The following TENM2 variants were observed in gnomAD, a reference collection of about 807,000 sequenced individuals.
TENM2 encodes teneurin transmembrane protein 2, also known as teneurin-2.
TENM2 carries 52 observed loss-of-function variants against 245.2 expected under a neutral mutation model. The ratio of observed to expected loss-of-function variants is 0.21; its 90% confidence interval spans 0.17 to 0.27. TENM2 has a LOEUF of 0.27. Ranked by LOEUF, TENM2 falls within the 10% of genes least tolerant of loss-of-function variation. TENM2 has a pLI of 1.00. For missense variants in TENM2, 3,046 were observed against 3,666.8 expected (o/e 0.83, Z 4.37); for synonymous variants, 1,363 against 1,438.9 (o/e 0.95, Z 1.19).
intron 1 of TENM2, among the ~76,000 whole-genome samples, chr5:167,372,277 C>A (rs1760485256): frequency 6.6e-6 from 1 of 152,092 alleles, no homozygotes; most frequent in South Asian, 2.1e-4. Context: ...TCTTTTCTAA[C>A]ATTTGTGGTT....
intron 1 of TENM2, among the ~76,000 whole-genome samples, chr5:167,312,640 G>A (rs1429505833): frequency 2.0e-5 from 3 of 151,912 alleles, no homozygotes; most frequent in Non-Finnish European, 4.4e-5. Flanking sequence ...GGAAAAATTG[G>A]TCTTATGTGA....
chr5:167,511,561 A>T (rs930495977), intron 2 of TENM2, among the ~76,000 whole-genome samples: 1 of 152,176 alleles, frequency 6.6e-6, no homozygotes, highest in African/African-American at 2.4e-5. Context: ...GCAATTAACT[A>T]GGTTTGTGGC....
chr5:167,441,534 A>G lies in TENM2; in HGVS notation c.502+66061A>G, dbSNP rs773563695. On this transcript the variant is annotated intron_variant, in intron 2 of 28. Coordinates refer to ENST00000518659, the Ensembl canonical transcript of TENM2. ...TATTCAACTGTTTTTCTGCTTTTCT[A>G]TCAGCTGAAACCCAGAAATCCTCTT... Among the ~76,000 whole-genome samples the G allele has an allele frequency of 5.9e-5, 9 of 152,232 alleles. No homozygotes were observed. In the East Asian group the frequency reaches 1.7e-3, roughly 29 times the overall value.
intron 3 of TENM2, among the ~76,000 whole-genome samples, chr5:167,881,061 A>G (rs1309949275): frequency 2.6e-5 from 4 of 152,098 alleles, no homozygotes; most frequent in Non-Finnish European, 2.9e-5. Context: ...ATCCATGGAG[A>G]TGGATTTGGG....
chr5:167,415,803 C>A (rs892612322), intron 2 of TENM2, among the ~76,000 whole-genome samples: 4 of 152,252 alleles, frequency 2.6e-5, no homozygotes, highest in Admixed American at 6.5e-5. Context: ...AGGAATGTAT[C>A]CTCTTCGCCG....
intron 2 of TENM2, among the ~76,000 whole-genome samples, chr5:167,830,024 G>T (rs2151087267): frequency 6.6e-6 from 1 of 152,296 alleles, no homozygotes; most frequent in East Asian, 1.9e-4. Context: ...CCTACATATT[G>T]GGGGACTGGA....
chr5:167,452,445 T>A (rs899870396), intron 2 of TENM2, among the ~76,000 whole-genome samples: 2 of 152,172 alleles, frequency 1.3e-5, no homozygotes, highest in Non-Finnish European at 2.9e-5. Context: ...AGAGGAAAGA[T>A]GTGGGTTTCC....
chr5:167,573,879 A>T (rs1461143084), intron 2 of TENM2: 1 of 140,472 alleles, frequency 7.1e-6, no homozygotes, highest in Non-Finnish European at 1.6e-5. Context: ...TCTTGCTGGA[A>T]AAAAAAAAAA....
chr5:168,014,771 G>T (rs970954221), intron 5 of TENM2, among the ~76,000 whole-genome samples: 10 of 152,144 alleles, frequency 6.6e-5, no homozygotes, highest in Non-Finnish European at 1.2e-4. Flanking sequence ...AAAATGAGAG[G>T]CTGTGGTTCC....
chr5:167,550,749 T>A (rs962545011), intron 2 of TENM2, among the ~76,000 whole-genome samples: 24 of 114,474 alleles, frequency 2.1e-4, no homozygotes, highest in East Asian at 8.5e-4. Flanking sequence ...TGTGTGTGTG[T>A]GATGGAGTGT....
At chr5:168,145,369 G>A (rs1350813721) in intron 12 of TENM2, among the ~76,000 whole-genome samples, 286 of 136,340 alleles carry the variant, frequency 2.1e-3, no homozygotes, top group Non-Finnish European at 3.5e-3. Context: ...AAGGTGTAAG[G>A]AAGGGATCCA....
intron 2 of TENM2, among the ~76,000 whole-genome samples, chr5:167,549,213 C>T (rs2127618378): frequency 6.6e-6 from 1 of 152,182 alleles, no homozygotes; most frequent in African/African-American, 2.4e-5. Context: ...TAACACCAAC[C>T]CCGAATCTAT....
chr5:167,719,758 T>A (rs1029471272), intron 2 of TENM2, among the ~76,000 whole-genome samples: 3 of 152,212 alleles, frequency 2.0e-5, no homozygotes, highest in African/African-American at 7.2e-5. Flanking sequence ...TGTCTGGTGA[T>A]GTTTTTGTTT....
At position 167,527,478 on chromosome 5, in the gene TENM2, G is replaced by A. The variant is rs111553424; in HGVS notation, c.502+152005G>A. ...GTGTTGCATTCTCTGGACTCTGTCT[G>A]TATTTACACTGTTCCGTCTGCCTAG... On this transcript the variant is annotated intron_variant, in intron 2 of 28. Transcript: ENST00000518659. Among the ~76,000 whole-genome samples, 436 of 152,056 alleles carry A rather than the reference G, an allele frequency of 2.9e-3. 4 individuals carry two copies. The highest frequency in any genetic ancestry group is 0.01 in the African/African-American group (422 of 41,460).
At chr5:167,960,300 C>T (rs1780901805) in intron 4 of TENM2, among the ~76,000 whole-genome samples, 1 of 152,216 alleles carries the variant, frequency 6.6e-6, no homozygotes, top group South Asian at 2.1e-4. Flanking sequence ...CCCACAGCCG[C>T]CCCTTCCCCC....
the TENM2 span, among the ~76,000 whole-genome samples, chr5:167,119,309 C>T: frequency 1.3e-5 from 2 of 152,062 alleles, no homozygotes; most frequent in African/African-American, 4.8e-5. Context: ...GGTGATTTAA[C>T]GCAAGGTGAA....
the TENM2 span, among the ~76,000 whole-genome samples, chr5:167,199,791 A>C: frequency 6.6e-6 from 1 of 152,136 alleles, no homozygotes; most frequent in Non-Finnish European, 1.5e-5. Context: ...TCCTAGAAAG[A>C]AGAGACTGAA....
At chr5:167,220,985 C>G in the TENM2 span, among the ~76,000 whole-genome samples, 2 of 152,118 alleles carry the variant, frequency 1.3e-5, no homozygotes, top group Non-Finnish European at 1.5e-5. Flanking sequence ...TACCACCATG[C>G]TCAGCTAATT....
intron 2 of TENM2, among the ~76,000 whole-genome samples, chr5:167,706,314 T>G (rs1758519754): frequency 6.8e-6 from 1 of 147,282 alleles, no homozygotes; most frequent in African/African-American, 2.5e-5. Flanking sequence ...ACAGTATATA[T>G]AAGAAAATAT....
Sources: allele counts gnomAD v4.1 joint callset (sites outside exome capture counted in the v4.1 genomes callset), GRCh38; gene constraint gnomAD v4.1.1; transcripts MANE v1.5; gene names NCBI Gene and HGNC (gene_info 2026-07-23, HGNC 2026-07-21).